The following LETM1 variants were observed in gnomAD, a reference collection of about 807,000 sequenced individuals.
LETM1 encodes the protein mitochondrial proton/calcium exchanger protein.
Under a neutral mutation model 74.5 loss-of-function variants are expected in LETM1, and 50 were observed. That is an observed-to-expected ratio of 0.67 (90% CI 0.53 to 0.85). The LOEUF (loss-of-function observed/expected upper bound fraction) is 0.85. Among genes scored for constraint, LETM1 ranks in the 40% least tolerant of loss-of-function variants. LETM1 has a pLI of 0.00. For missense variants in LETM1, 824 were observed against 967.8 expected, an observed-to-expected ratio of 0.85 and a Z score of 1.97; for synonymous variants, 446 against 407.1, an observed-to-expected ratio of 1.10 and a Z score of -1.15.
chr4:1,852,995 C>T (rs1241188176), intron 1 of LETM1, among the ~76,000 whole-genome samples: 2 of 152,178 alleles, frequency 1.3e-5, no homozygotes, highest in Non-Finnish European at 2.9e-5. Flanking sequence ...GAGAGCCTCC[C>T]TACCTGACCT....
intron 2 of LETM1, among the ~76,000 whole-genome samples, chr4:1,845,295 G>A (rs555985237): frequency 6.6e-6 from 1 of 151,968 alleles, no homozygotes; most frequent in African/African-American, 2.4e-5. Context: ...AAAAACTAAT[G>A]TAAATGGTTA....
chr4:1,839,936 T>C lies in LETM1; in HGVS notation c.594+1411A>G, dbSNP rs149374882. ...GCATCCTTTGCACTATGCTTTATAGTAAACTGATAAATTTAAGTGTTTCTC... is the reference window on the plus strand; with the variant it reads ...GCATCCTTTGCACTATGCTTTATAGCAAACTGATAAATTTAAGTGTTTCTC... On this transcript the variant is annotated intron_variant, in intron 3 of 13. Transcript: ENST00000302787. Among the ~76,000 whole-genome samples, 1,246 of 150,836 alleles carry C rather than the reference T, an allele frequency of 8.3e-3. 7 individuals are homozygous for C. The highest frequency in any genetic ancestry group is 0.016 in the South Asian group (78 of 4,786).
intron 7 of LETM1, among the ~76,000 whole-genome samples, chr4:1,824,424 AG>A (rs2108839683): frequency 6.6e-6 from 1 of 152,298 alleles, no homozygotes; most frequent in South Asian, 2.1e-4. Context: ...TGCACAGGCC[AG>A]GTTCCGGGGC....
rs1314002126 is a variant in LETM1, at chr4:1,823,145, T to C, written c.1333-14A>G. The C allele has an allele frequency of 1.3e-6, 2 of 1,573,996 alleles. No individual in the cohort carries two copies. Among genetic ancestry groups the C allele is most frequent in the Non-Finnish European group, 1.7e-6 (2 of 1,155,938 alleles). ...TGCTTCCTTTGCCTTCAGAAGAGGG[T>C]ACATCTGTGGGTGAGCCCAGAAGCC... On this transcript the variant is annotated splice_polypyrimidine_tract_variant and intron_variant, in intron 8 of 13. Transcript: ENST00000302787.
chr4:1,823,659 G>T lies in LETM1; in HGVS notation c.1317C>A (p.Thr439=). 1 of 1,613,930 alleles carries T rather than the reference G, an allele frequency of 6.2e-7. No homozygotes were observed. Among genetic ancestry groups the T allele is most frequent in the Non-Finnish European group, 8.5e-7 (1 of 1,179,970 alleles). ...CAGCACGTACCACAATCTCTGGGAG[G>T]GTCTGCAGTGTGGACTTGAGCTGGT... is the stretch of plus-strand genomic sequence containing the variant. ...PADQLKSTLQ[T]LPEIVAKEAQ... is the part of the protein sequence containing the mutation. Residue 439 remains threonine (T), a synonymous_variant, in exon 8 of 14, where the codon ACC becomes ACA. Coordinates refer to ENST00000302787, the MANE Select transcript of LETM1 (RefSeq NM_012318.3).
chr4:1,814,293 T>C lies in LETM1; in HGVS notation c.*131A>G. ...ATGATGAAAATTAAAATTTACTTGA[T>C]TATGGAAGTCTCTGATTTATTCCAG... On this transcript the variant is annotated 3_prime_UTR_variant, in exon 14 of 14. Coordinates refer to ENST00000302787, the MANE Select transcript of LETM1 (RefSeq NM_012318.3). 2 of 1,359,730 alleles carry C rather than the reference T, an allele frequency of 1.5e-6. No homozygotes were observed. The highest frequency in any genetic ancestry group is 2.0e-6 in the Non-Finnish European group (2 of 983,186). 84.2% of individuals were successfully genotyped at this position (1,359,730 alleles called of 1,614,324 possible). A position where few individuals can be genotyped will look rare whatever the true frequency, so the allele number is the denominator to read the frequency against.
At chr4:1,852,372 C>T (rs1284407985) in intron 1 of LETM1, among the ~76,000 whole-genome samples, 3 of 152,188 alleles carry the variant, frequency 2.0e-5, no homozygotes, top group Non-Finnish European at 2.9e-5. Context: ...GATCCTTTGT[C>T]CTGTGGAGCT....
At chr4:1,830,329 T>G (rs2108844626) in intron 6 of LETM1, among the ~76,000 whole-genome samples, 1 of 152,326 alleles carries the variant, frequency 6.6e-6, no homozygotes, top group African/African-American at 2.4e-5. Context: ...TTCATTTGGT[T>G]CTTCTTTTTC....
In LETM1 at chr4:1,834,931, G is replaced by A. The variant is rs1392116047; in HGVS notation, c.790C>T (p.Leu264Phe). 1 of 1,614,160 alleles carries A rather than the reference G, an allele frequency of 6.2e-7. No individual in the cohort carries two copies. The highest frequency in any genetic ancestry group is 1.1e-5 in the South Asian group (1 of 91,088). Residue 264 changes from leucine to phenylalanine, a missense_variant, in exon 5 of 14, where the codon CTC becomes TTC. Transcript: ENST00000302787. This position sits in a 1 kb window ranked among gnomAD's most constrained non-coding sequence, Gnocchi z 5.0. ...GCCATCTCCTCGATGGTGTCCTGGA[G>A]GAACTTGGCCAGCTCCAGCTTGACC... Reference protein sequence around the residue: ...LRVKLELAKFLQDTIEEMALK... With the variant: ...LRVKLELAKFFQDTIEEMALK...
chr4:1,815,154 G>C lies in LETM1; in HGVS notation c.2070+510C>G, dbSNP rs191372376. On this transcript the variant is annotated intron_variant, in intron 13 of 13. Transcript: ENST00000302787. The stretch of plus-strand genomic sequence containing the variant: ...GCCTTCCCTCCAGAGACTGGATCCT[G>C]GGCCAGGGTCTCCGGGGCTACCCTG... Among the ~76,000 whole-genome samples, 982 of 152,338 alleles carry C rather than the reference G, an allele frequency of 6.4e-3. 14 individuals carry two copies. Among genetic ancestry groups the C allele is most frequent in the African/African-American group, 0.023 (948 of 41,572 alleles).
At chr4:1,848,482 A>C (rs1712957664) in intron 2 of LETM1, among the ~76,000 whole-genome samples, 1 of 150,404 alleles carries the variant, frequency 6.6e-6, no homozygotes, top group Non-Finnish European at 1.5e-5. Context: ...CGGGAGGTGG[A>C]TCTTGCAGTG....
intron 2 of LETM1, among the ~76,000 whole-genome samples, chr4:1,842,400 G>A (rs1297028984): frequency 6.6e-6 from 1 of 152,124 alleles, no homozygotes; most frequent in Non-Finnish European, 1.5e-5. Flanking sequence ...CACTCTGTCC[G>A]GCACCAGCAG....
chr4:1,828,689 C>A lies in LETM1; in HGVS notation c.1081-3006G>T, dbSNP rs556862196. On this transcript the variant is annotated intron_variant, in intron 6 of 13. Coordinates refer to ENST00000302787, the MANE Select transcript of LETM1 (RefSeq NM_012318.3). ...GCAGCTGGCTGGGCGGGGGGCTGAC[C>A]CCCCAACCTCCCTCCCGGATGGGGC... 1.5e-4 allele frequency among the ~76,000 whole-genome samples: 20 copies of A among 133,468 alleles called. No homozygotes were observed. In the South Asian group the frequency reaches 4.5e-3, roughly 30 times the overall value. The allele number at this position is 133,468 out of a possible 152,430, so 87.6% of individuals were successfully genotyped here.
chr4:1,824,089 G>A (rs747589626), intron 7 of LETM1, among the ~76,000 whole-genome samples: 95 of 152,158 alleles, frequency 6.2e-4, no homozygotes, highest in Non-Finnish European at 1.1e-3. Context: ...TTGGGAGGCC[G>A]AGGTGGGCGG....
chr4:1,849,473 G>A (rs967547112), intron 1 of LETM1, among the ~76,000 whole-genome samples: 1 of 151,818 alleles, frequency 6.6e-6, no homozygotes. Flanking sequence ...TCACCATGTT[G>A]GCCAGGCTGG....
intron 6 of LETM1, 115 bp from the exon 7 acceptor site, chr4:1,825,798 C>G: frequency 1.6e-6 from 2 of 1,222,164 alleles, no homozygotes; most frequent in Non-Finnish European, 2.3e-6. Flanking sequence ...AGAATCAAAC[C>G]ACGGCCACCA....
At chr4:1,822,392 T>C (rs1005472720) in intron 9 of LETM1, 80 bp from the exon 10 acceptor site, 2 of 1,325,946 alleles carry the variant, frequency 1.5e-6, no homozygotes, top group Admixed American at 6.7e-5. Context: ...TCAGAACATA[T>C]GGCAGAGGCC....
chr4:1,824,576 G>C (rs969214205), intron 7 of LETM1, among the ~76,000 whole-genome samples: 1 of 152,190 alleles, frequency 6.6e-6, no homozygotes, highest in African/African-American at 2.4e-5. Flanking sequence ...AGTGGGTAGA[G>C]AAAATATGAG....
At chr4:1,850,924 G>A (rs556107588) in intron 1 of LETM1, among the ~76,000 whole-genome samples, 6 of 146,818 alleles carry the variant, frequency 4.1e-5, no homozygotes, top group South Asian at 2.1e-4. Context: ...AGCTGAGATC[G>A]CGCCATTGCA....
Sources: gnomAD v4.1 joint callset for allele counts (sites outside exome capture counted in the v4.1 genomes callset) on GRCh38, gnomAD v4.1.1 for gene constraint, Gnocchi (gnomAD v3.1) non-coding constraint, MANE v1.5 for transcripts, NCBI Gene and HGNC (gene_info 2026-07-23, HGNC 2026-07-21) for gene names.